Variants in MELK observed in about 807,000 individuals in gnomAD.
MELK encodes the protein pEg3 kinase.
In MELK, 81 loss-of-function variants were observed where a neutral mutation model predicts 85.0. That is an observed-to-expected ratio of 0.95 (90% CI 0.80 to 1.15). MELK has a LOEUF of 1.15. Among genes scored for constraint, MELK ranks in the 50% most tolerant of loss-of-function variants. MELK has a pLI of 0.00. For synonymous variants in MELK, 252 were observed against 265.0 expected, an observed-to-expected ratio of 0.95 and a Z score of 0.48; for missense variants, 754 against 777.5, an observed-to-expected ratio of 0.97 and a Z score of 0.36.
At chr9:36,592,752 T>A (rs775988506) in intron 4 of MELK, among the ~76,000 whole-genome samples, 2 of 152,050 alleles carry the variant, frequency 1.3e-5, no homozygotes, top group African/African-American at 4.8e-5. Context: ...AAGTAGGCTG[T>A]TTTCTTTTTG....
Position 36,676,629 on chromosome 9 carries a change from T to C in MELK, c.1779-531T>C, listed in dbSNP as rs189223855. On this transcript the variant is annotated intron_variant, in intron 17 of 17. Coordinates refer to ENST00000298048, the MANE Select transcript of MELK (RefSeq NM_014791.4). ...CTTTTCTTTCTGCCATAAAGTGATG[T>C]GATGATCGTCATAAGAGGTTATCTC... Among the ~76,000 whole-genome samples, 18 of 152,332 alleles carry C rather than the reference T, an allele frequency of 1.2e-4. 2 individuals carry two copies. The East Asian group carries it at 3.3e-3, about 28-fold the overall frequency.
chr9:36,648,440 AT>A (rs1830413076), intron 11 of MELK, among the ~76,000 whole-genome samples: 1 of 152,316 alleles, frequency 6.6e-6, no homozygotes, highest in Middle Eastern at 3.4e-3. Flanking sequence ...AGAACCCTAG[AT>A]TCCTTTCTCT....
intron 3 of MELK, among the ~76,000 whole-genome samples, chr9:36,584,494 A>AT (rs1015431561): frequency 0.057 from 5,049 of 88,630 alleles, 174 homozygotes; most frequent in African/African-American, 0.11. Context: ...ATTTTTTTGT[A>AT]TTTTTTTTTT....
chr9:36,615,509 C>T (rs1428044759), intron 8 of MELK, among the ~76,000 whole-genome samples: 1 of 140,310 alleles, frequency 7.1e-6, no homozygotes, highest in African/African-American at 2.7e-5. Flanking sequence ...CCCCCACCTC[C>T]CTCCCGGACG....
intron 8 of MELK, among the ~76,000 whole-genome samples, chr9:36,614,449 A>G (rs895701565): frequency 2.1e-5 from 2 of 94,884 alleles, no homozygotes; most frequent in African/African-American, 4.0e-5. Context: ...TTTTTAATTT[A>G]TTTTTTTATT....
intron 8 of MELK, among the ~76,000 whole-genome samples, chr9:36,624,305 A>G (rs1167810410): frequency 1.3e-5 from 2 of 152,202 alleles, no homozygotes; most frequent in Admixed American, 6.5e-5. Context: ...CAGCAAGGCT[A>G]AATAGCTTGT....
chr9:36,672,538 G>C (rs908205626), intron 16 of MELK, among the ~76,000 whole-genome samples: 9 of 152,200 alleles, frequency 5.9e-5, no homozygotes, highest in Non-Finnish European at 1.2e-4. Flanking sequence ...TTTCTAGGTA[G>C]TTCTCCAGTA....
chr9:36,608,018 C>T (rs1453710364), intron 8 of MELK, among the ~76,000 whole-genome samples: 8 of 151,958 alleles, frequency 5.3e-5, no homozygotes, highest in African/African-American at 1.5e-4. Flanking sequence ...CGGTGGCTCA[C>T]GCCTGTAATC....
chr9:36,621,308 A>AAAAAAAAAAAAAAAAAAAAAAAAAC (rs1827418009), intron 8 of MELK, among the ~76,000 whole-genome samples: 1 of 139,186 alleles, frequency 7.2e-6, no homozygotes, highest in Non-Finnish European at 1.5e-5. Context: ...AAAAAAAAAA[A>AAAAAAAAAAAAAAAAAAAAAAAAAC]AAAAAAAAAC....
At chr9:36,665,820 C>T (rs1832287631) in intron 14 of MELK, among the ~76,000 whole-genome samples, 1 of 152,156 alleles carries the variant, frequency 6.6e-6, no homozygotes, top group Non-Finnish European at 1.5e-5. Flanking sequence ...ATCATAGCAT[C>T]CTAGGATATC....
At chr9:36,646,754 C>T (rs1249061883) in intron 11 of MELK, among the ~76,000 whole-genome samples, 1 of 152,224 alleles carries the variant, frequency 6.6e-6, no homozygotes, top group African/African-American at 2.4e-5. Flanking sequence ...CTGAAGGCCT[C>T]AGGAGGAGGG....
chr9:36,590,963 G>A (rs1007870563), intron 4 of MELK, among the ~76,000 whole-genome samples: 7 of 151,842 alleles, frequency 4.6e-5, no homozygotes, highest in African/African-American at 1.2e-4. Context: ...CGCGTGGTGC[G>A]CACCTGTCAT....
chr9:36,610,174 G>A (rs915490798), intron 8 of MELK, among the ~76,000 whole-genome samples: 1 of 152,126 alleles, frequency 6.6e-6, no homozygotes, highest in Non-Finnish European at 1.5e-5. Context: ...AATTAGATGA[G>A]GAGACTACCT....
At chr9:36,589,418 A>C (rs1393026168) in intron 3 of MELK, 118 bp from the exon 4 acceptor site, 1 of 750,170 alleles carries the variant, frequency 1.3e-6, no homozygotes, top group African/African-American at 1.7e-5. Flanking sequence ...AAAGTGCGGG[A>C]TTACAGGTGT....
intron 10 of MELK, among the ~76,000 whole-genome samples, chr9:36,637,903 T>G (rs902756031): frequency 1.3e-5 from 2 of 152,194 alleles, no homozygotes; most frequent in African/African-American, 4.8e-5. Flanking sequence ...CTTTAATATC[T>G]ATTGAGCAAA....
intron 10 of MELK, among the ~76,000 whole-genome samples, chr9:36,641,202 T>C (rs2136888875): frequency 6.6e-6 from 1 of 152,332 alleles, no homozygotes; most frequent in South Asian, 2.1e-4. Context: ...AAGGCTCTTT[T>C]AGCACAGAGG....
chr9:36,592,216 G>A (rs1254461947), intron 4 of MELK, among the ~76,000 whole-genome samples: 1 of 118,738 alleles, frequency 8.4e-6, no homozygotes, highest in East Asian at 2.5e-4. Flanking sequence ...ACACTGTCTT[G>A]AGTGCTGGAG....
intron 12 of MELK, among the ~76,000 whole-genome samples, 155 bp from the exon 13 acceptor site, chr9:36,657,086 T>C (rs1356316608): frequency 1.3e-5 from 2 of 152,246 alleles, no homozygotes; most frequent in Non-Finnish European, 2.9e-5. Flanking sequence ...GACGTCTCAG[T>C]TTGTGTAAGT....
Position 36,652,325 on chromosome 9 carries a change from G to A in MELK, c.1053+448G>A, listed in dbSNP as rs149214709. On this transcript the variant is annotated intron_variant, in intron 12 of 17. Transcript: ENST00000298048. ...GCCTCCCAAAGTGCTGGGATTATAG[G>A]CATGAGCCACCGTGCCCGGCCTCTA... Among the ~76,000 whole-genome samples the A allele has an allele frequency of 8.1e-3, 1,227 of 151,292 alleles. 13 individuals carry two copies. Among genetic ancestry groups the A allele is most frequent in the African/African-American group, 0.028 (1,170 of 41,254 alleles).
Sources: gnomAD v4.1 joint callset for allele counts (sites outside exome capture counted in the v4.1 genomes callset) on GRCh38, gnomAD v4.1.1 for gene constraint, MANE v1.5 for transcripts, NCBI Gene and HGNC (gene_info 2026-07-23, HGNC 2026-07-21) for gene names.